PCED1B: variants seen among roughly 807,000 people sequenced by gnomAD.
PCED1B encodes PC-esterase domain containing 1B, also known as PC-esterase domain-containing protein 1B.
For synonymous variants in PCED1B, 251 were observed against 246.1 expected, an observed-to-expected ratio of 1.02 and a Z score of -0.19; for missense variants, 573 against 573.9, an observed-to-expected ratio of 1.00 and a Z score of 0.02.
intron 3 of PCED1B, among the ~76,000 whole-genome samples, chr12:47,218,669 CTTTT>C (rs59140565): frequency 7.8e-6 from 1 of 128,394 alleles, no homozygotes. Flanking sequence ...AATTTTTTTT[CTTTT>C]TTTTTTTTTT....
chr12:47,126,569 A>G (rs1939896426), intron 2 of PCED1B, among the ~76,000 whole-genome samples: 2 of 152,156 alleles, frequency 1.3e-5, no homozygotes, highest in Admixed American at 6.5e-5. Context: ...CTTTTGTAAA[A>G]TTAGTATTAT....
chr12:47,166,170 C>G (rs1294077714), intron 2 of PCED1B, among the ~76,000 whole-genome samples: 3 of 152,196 alleles, frequency 2.0e-5, no homozygotes, highest in Non-Finnish European at 4.4e-5. Flanking sequence ...GTCTCCCAGG[C>G]TCTGTGGGAG....
intron 3 of PCED1B, among the ~76,000 whole-genome samples, chr12:47,217,458 AAAAG>A (rs71077131): frequency 0.092 from 9,149 of 99,844 alleles, 913 homozygotes; most frequent in Non-Finnish European, 0.11. Flanking sequence ...GAAAGAAAGA[AAAAG>A]AAAGAAAGAG....
At chr12:47,221,949 A>T (rs1943488987) in intron 3 of PCED1B, among the ~76,000 whole-genome samples, 2 of 151,874 alleles carry the variant, frequency 1.3e-5, no homozygotes, top group Non-Finnish European at 1.5e-5. Context: ...AAAAAATTTT[A>T]AAAAATTAGC....
intron 2 of PCED1B, among the ~76,000 whole-genome samples, chr12:47,180,818 C>G (rs1003580371): frequency 1.3e-5 from 2 of 152,020 alleles, no homozygotes; most frequent in Admixed American, 1.3e-4. Flanking sequence ...ATTCATGCAG[C>G]CAACAAACAT....
intron 2 of PCED1B, among the ~76,000 whole-genome samples, chr12:47,142,255 T>C (rs1940623444): frequency 1.3e-5 from 2 of 152,144 alleles, no homozygotes; most frequent in Non-Finnish European, 2.9e-5. Flanking sequence ...AGCAGTCACA[T>C]TGCCCAACTC....
chr12:47,222,174 C>T (rs1319013566), intron 3 of PCED1B, among the ~76,000 whole-genome samples: 1 of 146,682 alleles, frequency 6.8e-6, no homozygotes, highest in Non-Finnish European at 1.5e-5. Context: ...AATCCCAGCA[C>T]TTTGGGAGGC....
At chr12:47,185,959 C>T (rs1176982986) in intron 2 of PCED1B, among the ~76,000 whole-genome samples, 5 of 152,234 alleles carry the variant, frequency 3.3e-5, no homozygotes, top group Middle Eastern at 3.4e-3. Context: ...GTGGCTCACA[C>T]CTGTAATCCC....
At chr12:47,096,836 A>C (rs553253085) in intron 1 of PCED1B, among the ~76,000 whole-genome samples, 18 of 152,196 alleles carry the variant, frequency 1.2e-4, no homozygotes, top group Non-Finnish European at 2.5e-4. Context: ...GCCACTATGT[A>C]AGTTAACTCT....
chr12:47,089,458 ATACAT>A (rs1198855445), intron 1 of PCED1B, among the ~76,000 whole-genome samples: 858 of 46,776 alleles, frequency 0.018, 13 homozygotes, highest in African/African-American at 0.065. Context: ...AAAAAAAAAA[ATACAT>A]ATATATATAT....
intron 2 of PCED1B, among the ~76,000 whole-genome samples, chr12:47,176,834 C>T (rs890182013): frequency 1.3e-5 from 2 of 150,140 alleles, no homozygotes; most frequent in Admixed American, 6.6e-5. Flanking sequence ...CAACTGGTGT[C>T]GGAATATTGG....
chr12:47,230,663 A>G (rs1159122933), intron 3 of PCED1B, among the ~76,000 whole-genome samples: 2 of 151,488 alleles, frequency 1.3e-5, no homozygotes, highest in African/African-American at 4.9e-5. Flanking sequence ...GCTGGTCTTG[A>G]ACTCCTGATC....
intron 2 of PCED1B, among the ~76,000 whole-genome samples, chr12:47,137,454 C>T (rs1029818098): frequency 4.6e-5 from 7 of 152,102 alleles, no homozygotes; most frequent in Non-Finnish European, 1.0e-4. Context: ...TTCTTGTATA[C>T]GTTTTTCTAA....
At chr12:47,091,588 T>C (rs1306424044) in intron 1 of PCED1B, among the ~76,000 whole-genome samples, 1 of 152,178 alleles carries the variant, frequency 6.6e-6, no homozygotes, top group East Asian at 1.9e-4. Flanking sequence ...GATTAATGCT[T>C]TTTCATTTGC....
intron 2 of PCED1B, among the ~76,000 whole-genome samples, chr12:47,212,563 G>A (rs538102691): frequency 1.5e-4 from 23 of 152,202 alleles, no homozygotes; most frequent in African/African-American, 5.1e-4. Context: ...TTGACCTAAC[G>A]ATGATTTCTG....
intron 2 of PCED1B, among the ~76,000 whole-genome samples, chr12:47,192,706 A>G (rs1942484034): frequency 6.6e-6 from 1 of 152,204 alleles, no homozygotes; most frequent in African/African-American, 2.4e-5. Flanking sequence ...AGGGCTCTCC[A>G]TAGCAATAAT....
intron 2 of PCED1B, among the ~76,000 whole-genome samples, chr12:47,199,024 G>A (rs1476001270): frequency 6.6e-6 from 1 of 151,248 alleles, no homozygotes; most frequent in East Asian, 1.9e-4. Flanking sequence ...ATCAACAACA[G>A]CAAAAAACCA....
At chr12:47,234,321 C>G (rs796818005) in intron 3 of PCED1B, among the ~76,000 whole-genome samples, 1 of 152,168 alleles carries the variant, frequency 6.6e-6, no homozygotes, top group Admixed American at 6.5e-5. Flanking sequence ...CACAGGTACT[C>G]TTTCTTTGTG....
At chr12:47,141,047 T>C (rs915395430) in intron 2 of PCED1B, among the ~76,000 whole-genome samples, 1 of 152,180 alleles carries the variant, frequency 6.6e-6, no homozygotes, top group Non-Finnish European at 1.5e-5. Flanking sequence ...AGGATGAGAC[T>C]GTATAATGGT....
Sources: gnomAD v4.1 joint callset for allele counts (sites outside exome capture counted in the v4.1 genomes callset) on GRCh38, gnomAD v4.1.1 for gene constraint, MANE v1.5 for transcripts, NCBI Gene and HGNC (gene_info 2026-07-23, HGNC 2026-07-21) for gene names.